Variants in ADAMTSL1 observed in about 807,000 individuals in gnomAD.
The protein encoded by ADAMTSL1 is ADAMTS-like protein 1.
In ADAMTSL1, 126 loss-of-function variants were observed where a neutral mutation model predicts 201.8. The ratio of observed to expected loss-of-function variants is 0.62; its 90% confidence interval spans 0.54 to 0.72. The LOEUF is 0.72. Among genes scored for constraint, ADAMTSL1 ranks in the 30% least tolerant of loss-of-function variants. The pLI, the probability that ADAMTSL1 is intolerant of heterozygous loss-of-function variation, is 0.00. For missense variants in ADAMTSL1, 2,679 were observed against 2,277.8 expected (o/e 1.18, Z -3.59); for synonymous variants, 1,121 against 903.4 (o/e 1.24, Z -4.32).
intron 2 of ADAMTSL1, among the ~76,000 whole-genome samples, chr9:18,284,875 G>A (rs753532326): frequency 2.6e-4 from 40 of 152,062 alleles, no homozygotes; most frequent in African/African-American, 5.6e-4. Context: ...AAAACTATCC[G>A]TTATCATATT....
intron 1 of ADAMTSL1, among the ~76,000 whole-genome samples, chr9:18,139,429 G>T (rs1702856508): frequency 6.6e-6 from 1 of 152,080 alleles, no homozygotes; most frequent in Admixed American, 6.6e-5. Flanking sequence ...TCCCAAAGTG[G>T]GTGAGAGAGA....
At chr9:17,937,156 G>A (rs1327675893) in intron 1 of ADAMTSL1, among the ~76,000 whole-genome samples, 2 of 152,100 alleles carry the variant, frequency 1.3e-5, no homozygotes, top group African/African-American at 4.8e-5. Flanking sequence ...GAAACAATAA[G>A]CTGTTTTTTG....
intron 1 of ADAMTSL1, among the ~76,000 whole-genome samples, chr9:17,981,692 C>T (rs1328343772): frequency 1.3e-5 from 2 of 152,148 alleles, no homozygotes; most frequent in African/African-American, 4.8e-5. Flanking sequence ...ACTGAAGCTG[C>T]TTGCACTTGT....
intron 2 of ADAMTSL1, among the ~76,000 whole-genome samples, chr9:18,271,541 T>C (rs1832368929): frequency 6.6e-6 from 1 of 152,204 alleles, no homozygotes; most frequent in African/African-American, 2.4e-5. Flanking sequence ...TTCCATGGTG[T>C]ATATGTGCCA....
At chr9:18,491,393 T>C (rs1423519115) in intron 1 of ADAMTSL1, among the ~76,000 whole-genome samples, 1 of 152,062 alleles carries the variant, frequency 6.6e-6, no homozygotes, top group African/African-American at 2.4e-5. Flanking sequence ...TTAAACAACA[T>C]CGATGTGGAA....
chr9:18,286,564 A>ACATTTCT (rs1833000422), intron 2 of ADAMTSL1, among the ~76,000 whole-genome samples: 1 of 126,744 alleles, frequency 7.9e-6, no homozygotes, highest in Non-Finnish European at 1.8e-5. Flanking sequence ...TTTCTATAGC[A>ACATTTCT]GTTTATGGTT....
At chr9:18,856,896 AAG>A (rs1440096035) in intron 23 of ADAMTSL1, among the ~76,000 whole-genome samples, 2 of 152,218 alleles carry the variant, frequency 1.3e-5, no homozygotes, top group Non-Finnish European at 2.9e-5. Flanking sequence ...TGGTTGGAGA[AAG>A]GGGGAAAATT....
chr9:18,731,572 A>T (rs1038232555), intron 15 of ADAMTSL1, among the ~76,000 whole-genome samples: 2 of 152,200 alleles, frequency 1.3e-5, no homozygotes, highest in African/African-American at 4.8e-5. Flanking sequence ...TCAAGGCTGC[A>T]GTGAGCCGTG....
At chr9:18,748,941 C>T (rs547916918) in intron 15 of ADAMTSL1, among the ~76,000 whole-genome samples, 1 of 152,196 alleles carries the variant, frequency 6.6e-6, no homozygotes. Flanking sequence ...CTTGCTTCCT[C>T]TACTTTCTGG....
chr9:18,837,919 A>T (rs990971370), intron 23 of ADAMTSL1, among the ~76,000 whole-genome samples: 4 of 152,164 alleles, frequency 2.6e-5, no homozygotes, highest in African/African-American at 9.7e-5. Context: ...GTTTCTAAGG[A>T]TCACATCTTT....
At chr9:18,594,651 G>A (rs1329828621) in intron 4 of ADAMTSL1, among the ~76,000 whole-genome samples, 2 of 152,074 alleles carry the variant, frequency 1.3e-5, no homozygotes, top group Non-Finnish European at 2.9e-5. Context: ...CAGCTCCAAG[G>A]TTGATTTTTA....
intron 19 of ADAMTSL1, among the ~76,000 whole-genome samples, chr9:18,784,191 A>G (rs2133792676): frequency 6.6e-6 from 1 of 152,312 alleles, no homozygotes; most frequent in African/African-American, 2.4e-5. Flanking sequence ...CCCCAAAGCC[A>G]GGTCAGATGA....
intron 22 of ADAMTSL1, among the ~76,000 whole-genome samples, chr9:18,828,697 A>C (rs202183720): frequency 2.4e-5 from 1 of 42,510 alleles, no homozygotes; most frequent in African/African-American, 7.5e-5. Flanking sequence ...TATATATAAA[A>C]TGTGTGTGTG....
chr9:18,901,733 G>T (rs1468009626), intron 26 of ADAMTSL1, among the ~76,000 whole-genome samples: 1 of 152,110 alleles, frequency 6.6e-6, no homozygotes, highest in Non-Finnish European at 1.5e-5. Flanking sequence ...GACAACATAA[G>T]TGGAGGGAAT....
rs62550593 is a variant in ADAMTSL1 at position 18,661,083 on chromosome 9, C to T, written c.947-852C>T. On this transcript the variant is annotated intron_variant, in intron 8 of 28. Transcript: ENST00000380548. ...TTCTCTATGCACATTTATTTTTCAC[C>T]CCGAGAATCTAAGTCTTGATCACCA... Among the ~76,000 whole-genome samples, 1,311 of 151,864 alleles carry T rather than the reference C, an allele frequency of 8.6e-3. 20 individuals carry two copies. The highest frequency in any genetic ancestry group is 0.024 in the African/African-American group (1,009 of 41,400).
intron 1 of ADAMTSL1, among the ~76,000 whole-genome samples, chr9:18,063,894 T>C (rs1249608570): frequency 6.6e-6 from 1 of 152,058 alleles, no homozygotes; most frequent in Non-Finnish European, 1.5e-5. Flanking sequence ...CCTTTATGAG[T>C]GGGTGTTCTG....
rs1465689904 is a variant in ADAMTSL1 at position 18,892,490 on chromosome 9, C to A, written c.4745C>A (p.Thr1582Asn). ...CQKLKASGISTPVSNDMCTQV... is the reference protein window; with the variant it reads ...CQKLKASGISNPVSNDMCTQV... The stretch of plus-strand genomic sequence containing the variant: ...AAGCTGAAAGCCTCTGGGATCTCCA[C>A]CCCTGTGTCCAATGACATGTGCACC... Residue 1582 changes from threonine to asparagine, a missense_variant, in exon 26 of 29, where the codon ACC becomes AAC. Transcript: ENST00000380548. 1 of 1,609,798 alleles carries A rather than the reference C, an allele frequency of 6.2e-7. No homozygotes were observed. Among genetic ancestry groups the A allele is most frequent in the Non-Finnish European group, 8.5e-7 (1 of 1,178,212 alleles).
At chr9:18,395,012 C>G (rs1340254446) in intron 2 of ADAMTSL1, among the ~76,000 whole-genome samples, 1 of 152,166 alleles carries the variant, frequency 6.6e-6, no homozygotes, top group African/African-American at 2.4e-5. Flanking sequence ...TTGGTTTAAG[C>G]AATTCTCTTT....
At chr9:18,109,637 A>T (rs1027907651) in intron 1 of ADAMTSL1, among the ~76,000 whole-genome samples, 31 of 152,112 alleles carry the variant, frequency 2.0e-4, no homozygotes, top group African/African-American at 3.9e-4. Context: ...GGACAAACAG[A>T]TTCATGGTAA....
Sources: allele counts gnomAD v4.1 joint callset (sites outside exome capture counted in the v4.1 genomes callset), GRCh38; gene constraint gnomAD v4.1.1; transcripts MANE v1.5; gene names NCBI Gene and HGNC (gene_info 2026-07-23, HGNC 2026-07-21).